Variants in TTLL4 observed in about 807,000 individuals in gnomAD.
TTLL4 encodes the protein tubulin monoglutamylase TTLL4.
Under a neutral mutation model 122.7 loss-of-function variants are expected in TTLL4, and 85 were observed. The ratio of observed to expected loss-of-function variants is 0.69; its 90% confidence interval spans 0.58 to 0.83. The LOEUF (loss-of-function observed/expected upper bound fraction) is 0.83. Among genes scored for constraint, TTLL4 ranks in the 40% least tolerant of loss-of-function variants. TTLL4 has a pLI of 0.00. For missense variants in TTLL4, 1,363 were observed against 1,488.6 expected, an observed-to-expected ratio of 0.92 and a Z score of 1.39; for synonymous variants, 553 against 563.0, an observed-to-expected ratio of 0.98 and a Z score of 0.25.
At chr2:218,748,998 C>G in intron 13 of TTLL4, 64 bp downstream of exon 13, 3 of 1,537,854 alleles carry the variant, frequency 2.0e-6, no homozygotes, top group Non-Finnish European at 2.7e-6. Context: ...TCCTGGGCCT[C>G]ACACTGCTGT....
rs1488489136 is a variant in TTLL4 at position 218,726,267 on chromosome 2, C to T, written c.-177-1002C>T. 2.0e-5 allele frequency among the ~76,000 whole-genome samples: 3 copies of T among 152,108 alleles called. No homozygotes were observed. The South Asian group carries it at 6.2e-4, about 32-fold the overall frequency. ...TAATTTCCGAGGAGAATTTTGTTGCCAGATGAATTGGAGCTCCCTTATATG... is the reference window on the plus strand; with the variant it reads ...TAATTTCCGAGGAGAATTTTGTTGCTAGATGAATTGGAGCTCCCTTATATG... On this transcript the variant is annotated intron_variant, in intron 1 of 19. Coordinates refer to ENST00000392102, the MANE Select transcript of TTLL4 (RefSeq NM_014640.5).
At chr2:218,757,909 G>C (rs1465696991), downstream of TTLL4, among the ~76,000 whole-genome samples, 1 of 152,124 alleles carries the variant, frequency 6.6e-6, no homozygotes, top group African/African-American at 2.4e-5. Flanking sequence ...ACTGTTGTTC[G>C]AATCCCCCAA....
chr2:218,748,090 T>G lies in TTLL4; in HGVS notation c.2379-15T>G. 1 of 1,614,146 alleles carries G rather than the reference T, an allele frequency of 6.2e-7. No individual in the cohort carries two copies. Among genetic ancestry groups the G allele is most frequent in the Non-Finnish European group, 8.5e-7 (1 of 1,179,986 alleles). Reference sequence around the variant, plus strand: ...GTTACCATCTTACCTCTGCCTTTTGTTTCCTTACTTCCAGGTATTCGCCTT... The same window carrying G: ...GTTACCATCTTACCTCTGCCTTTTGGTTCCTTACTTCCAGGTATTCGCCTT... On this transcript the variant is annotated splice_polypyrimidine_tract_variant and intron_variant, in intron 11 of 19. Coordinates refer to ENST00000392102, the MANE Select transcript of TTLL4 (RefSeq NM_014640.5).
intron 1 of TTLL4, among the ~76,000 whole-genome samples, chr2:218,719,114 A>C (rs1252076826): frequency 3.3e-5 from 5 of 152,150 alleles, no homozygotes. Context: ...CAATTTTTTA[A>C]AAACTTTTGT....
chr2:218,752,727 C>T (rs781451790), intron 16 of TTLL4, 36 bp from the exon 17 acceptor site: 3 of 1,611,850 alleles, frequency 1.9e-6, no homozygotes, highest in African/African-American at 1.3e-5. Flanking sequence ...CTTACACTCT[C>T]TCACACCCTT....
chr2:218,745,936 G>A (rs1460759704), intron 7 of TTLL4, 135 bp downstream of exon 7: 2 of 894,500 alleles, frequency 2.2e-6, no homozygotes, highest in Middle Eastern at 2.6e-4. Flanking sequence ...CCTCATAGGA[G>A]GGTGTAGCTC....
chr2:218,746,334 CA>C, intron 8 of TTLL4, 103 bp downstream of exon 8: 1 of 1,296,380 alleles, frequency 7.7e-7, no homozygotes, highest in South Asian at 1.2e-5. Context: ...GGATGATGAC[CA>C]TGGAGAAGTC....
chr2:218,726,376 A>G (rs751289546), intron 1 of TTLL4, among the ~76,000 whole-genome samples: 5 of 152,150 alleles, frequency 3.3e-5, no homozygotes, highest in Non-Finnish European at 7.3e-5. Context: ...GCCTAGGGGT[A>G]GTCTTATTTG....
chr2:218,754,351 C>T lies in TTLL4; in HGVS notation c.3562C>T (p.Gln1188Ter), dbSNP rs1240064744. 8 of 1,614,060 alleles carry T rather than the reference C, an allele frequency of 5.0e-6. No homozygotes were observed. The East Asian group carries it at 6.7e-5, about 13-fold the overall frequency. Residue 1188 changes from glutamine (Q) to a stop codon, truncating the protein, a stop_gained, in exon 20 of 20, where the codon CAG becomes TAG. Coordinates refer to ENST00000392102, the MANE Select transcript of TTLL4 (RefSeq NM_014640.5). LOFTEE classifies it high-confidence loss of function. ...TSRLSASSTF[Q>*]SISDSLLAVS... is the part of the protein sequence containing the mutation. ...AAGACTTTCTGCTTCCTCCACTTTC[C>T]AGTCAATCAGTGACTCCCTCCTGGC...
At chr2:218,732,816 T>C (rs1262905865) in intron 2 of TTLL4, among the ~76,000 whole-genome samples, 1 of 152,156 alleles carries the variant, frequency 6.6e-6, no homozygotes, top group Admixed American at 6.5e-5. Flanking sequence ...CCATTTGAGG[T>C]TTTGATCTCA....
chr2:218,743,703 G>C (rs934079156), intron 5 of TTLL4, among the ~76,000 whole-genome samples: 14 of 151,972 alleles, frequency 9.2e-5, no homozygotes, highest in African/African-American at 3.4e-4. Flanking sequence ...TTTTGAGATG[G>C]AGTTTTGCTC....
At chr2:218,730,916 C>A (rs1942362608) in intron 2 of TTLL4, among the ~76,000 whole-genome samples, 1 of 151,996 alleles carries the variant, frequency 6.6e-6, no homozygotes, top group African/African-American at 2.4e-5. Context: ...CCAGCCTGGG[C>A]AACATAGTGG....
chr2:218,718,024 C>G (rs567148348), intron 1 of TTLL4, among the ~76,000 whole-genome samples: 7 of 152,092 alleles, frequency 4.6e-5, no homozygotes, highest in Non-Finnish European at 1.0e-4. Flanking sequence ...CTCCTGACCT[C>G]GTGATCCACC....
chr2:218,750,502 A>G (rs1433967644), intron 15 of TTLL4, among the ~76,000 whole-genome samples: 3 of 151,432 alleles, frequency 2.0e-5, no homozygotes, highest in Non-Finnish European at 4.4e-5. Flanking sequence ...TAGCCACTGT[A>G]CTCTCTTTAG....
intron 2 of TTLL4, among the ~76,000 whole-genome samples, chr2:218,732,620 G>C (rs931011584): frequency 6.6e-6 from 1 of 152,158 alleles, no homozygotes; most frequent in African/African-American, 2.4e-5. Flanking sequence ...CACTATGTTA[G>C]CTTTTAAAAC....
rs989636571 is a variant in TTLL4 at position 218,716,560 on chromosome 2, C to T, written c.-178+5523C>T. Among the ~76,000 whole-genome samples, 47 of 152,292 alleles carry T rather than the reference C, an allele frequency of 3.1e-4. 1 individual carries two copies. The highest frequency in any genetic ancestry group is 1.0e-3 in the African/African-American group (43 of 41,570). ...ATCCCAGCACTTTGGGAGGCCGAGG[C>T]GGGCAGATCACAAGGTCAGGAGATC... On this transcript the variant is annotated intron_variant, in intron 1 of 19. Transcript: ENST00000392102.
chr2:218,711,225 C>T (rs1243140058), intron 1 of TTLL4, among the ~76,000 whole-genome samples, 188 bp downstream of exon 1: 1 of 152,214 alleles, frequency 6.6e-6, no homozygotes, highest in Non-Finnish European at 1.5e-5. Flanking sequence ...CCTACCCGGC[C>T]GGGACTTCGC....
chr2:218,751,613 G>C lies in TTLL4; in HGVS notation c.2874-91G>C, dbSNP rs1943015335. 22 of 1,494,058 alleles carry C rather than the reference G, an allele frequency of 1.5e-5. 1 individual carries two copies. In the South Asian group the frequency reaches 2.8e-4, roughly 19 times the overall value. The allele number at this position is 1,494,058 out of a possible 1,614,324, so 92.6% of individuals were successfully genotyped here. A position where few individuals can be genotyped will look rare whatever the true frequency, so the allele number is the denominator to read the frequency against. On this transcript the variant is annotated intron_variant, in intron 15 of 19. Coordinates refer to ENST00000392102, the MANE Select transcript of TTLL4 (RefSeq NM_014640.5). Reference sequence around the variant, plus strand: ...ATACATCTTTGTCTTCTCTCAAGAAGGGTGTCTGCTGGGCTGGACCTCCTC... The same window carrying C: ...ATACATCTTTGTCTTCTCTCAAGAACGGTGTCTGCTGGGCTGGACCTCCTC...
At chr2:218,730,652 T>C (rs1249448452) in intron 2 of TTLL4, among the ~76,000 whole-genome samples, 1 of 152,246 alleles carries the variant, frequency 6.6e-6, no homozygotes, top group Non-Finnish European at 1.5e-5. Context: ...TTTTGACATG[T>C]CTCTATCAAA....
Sources: allele counts gnomAD v4.1 joint callset (sites outside exome capture counted in the v4.1 genomes callset), GRCh38; gene constraint gnomAD v4.1.1; transcripts MANE v1.5; gene names NCBI Gene and HGNC (gene_info 2026-07-23, HGNC 2026-07-21).